The following GOLGA4 variants were observed in gnomAD, a reference collection of about 807,000 sequenced individuals.
GOLGA4 encodes the protein golgin subfamily A member 4.
A neutral mutation model predicts 265.9 loss-of-function variants in GOLGA4; 169 were observed. That is an observed-to-expected ratio of 0.64 (90% CI 0.56 to 0.72). The LOEUF (loss-of-function observed/expected upper bound fraction) is 0.72. Ranked by LOEUF, GOLGA4 falls within the 30% of genes least tolerant of loss-of-function variation. The probability of loss-of-function intolerance (pLI) is 0.00; values close to 1 mark genes in which losing one functional copy is unlikely to be tolerated. For synonymous variants in GOLGA4, 923 were observed against 855.8 expected (o/e 1.08, Z -1.37); for missense variants, 2,482 against 2,483.4 (o/e 1.00, Z 0.01).
chr3:37,363,755 A>G (rs891013171), intron 23 of GOLGA4, among the ~76,000 whole-genome samples: 1 of 152,214 alleles, frequency 6.6e-6, no homozygotes, highest in Non-Finnish European at 1.5e-5. Context: ...AGTTTTTTAC[A>G]GTTTTCCAAA....
At chr3:37,247,849 C>A (rs953301729) in intron 1 of GOLGA4, among the ~76,000 whole-genome samples, 18 of 152,292 alleles carry the variant, frequency 1.2e-4, no homozygotes, top group African/African-American at 3.1e-4. Flanking sequence ...ACCAGCAGCT[C>A]CTTGCCACGT....
intron 23 of GOLGA4, among the ~76,000 whole-genome samples, chr3:37,362,397 C>A (rs890007393): frequency 6.6e-6 from 1 of 150,902 alleles, no homozygotes; most frequent in Non-Finnish European, 1.5e-5. Context: ...CCACTACGCC[C>A]GGCTAATTTT....
chr3:37,248,102 G>A (rs1036049084), intron 1 of GOLGA4, among the ~76,000 whole-genome samples: 1 of 152,112 alleles, frequency 6.6e-6, no homozygotes, highest in African/African-American at 2.4e-5. Flanking sequence ...GTCATTTGGG[G>A]TCATCTTACA....
Position 37,326,930 on chromosome 3 carries a change from C to T in GOLGA4, c.5044C>T (p.Gln1682Ter). The T allele has an allele frequency of 1.2e-6, 2 of 1,613,662 alleles. No homozygotes were observed. The highest frequency in any genetic ancestry group is 8.5e-7 in the Non-Finnish European group (1 of 1,179,742). ...TTTGAGTGAGCTAAATACAAAATTG[C>T]AGGAAAGAGAAAGGGAAGTTCACAT... is the stretch of plus-strand genomic sequence containing the variant. ...SHLSELNTKL[Q>*]EREREVHILE... Residue 1682 changes from glutamine (Q) to a stop codon, truncating the protein, a stop_gained, in exon 14 of 24, where the codon CAG becomes TAG. Coordinates refer to ENST00000361924, the MANE Select transcript of GOLGA4 (RefSeq NM_002078.5). LOFTEE classifies it high-confidence loss of function.
Position 37,251,491 on chromosome 3 carries a change from T to C in GOLGA4, c.162+7T>C, listed in dbSNP as rs746458076. On this transcript the variant is annotated splice_region_variant and intron_variant, in intron 2 of 23. Transcript: ENST00000361924. The stretch of plus-strand genomic sequence containing the variant: ...AGGTACACCCAATAGAGAGGTAAGT[T>C]TGGAATTCCTTTTCTAGTATACCTC... The C allele has an allele frequency of 6.5e-7, 1 of 1,528,302 alleles. No individual in the cohort carries two copies. 94.7% of individuals were successfully genotyped at this position (1,528,302 alleles called of 1,614,324 possible). A position where few individuals can be genotyped will look rare whatever the true frequency, so the allele number is the denominator to read the frequency against.
At chr3:37,345,079 A>G (rs922777922) in intron 20 of GOLGA4, among the ~76,000 whole-genome samples, 2 of 152,014 alleles carry the variant, frequency 1.3e-5, no homozygotes, top group African/African-American at 2.4e-5. Flanking sequence ...GCATGGTGAC[A>G]TGTACCTGTA....
chr3:37,263,531 A>T (rs1005413642), intron 2 of GOLGA4, among the ~76,000 whole-genome samples: 9 of 152,128 alleles, frequency 5.9e-5, no homozygotes, highest in African/African-American at 2.2e-4. Flanking sequence ...CTCAGCATGT[A>T]TCCCCTCCCT....
At chr3:37,349,742 GT>G (rs764881036) in intron 21 of GOLGA4, among the ~76,000 whole-genome samples, 33 of 152,266 alleles carry the variant, frequency 2.2e-4, no homozygotes, top group Non-Finnish European at 3.1e-4. Context: ...CCAGGTTGCG[GT>G]TTTAGAATAA....
chr3:37,334,770 TGAG>T (rs2097003954), intron 16 of GOLGA4, among the ~76,000 whole-genome samples: 2 of 151,862 alleles, frequency 1.3e-5, no homozygotes, highest in South Asian at 2.1e-4. Flanking sequence ...CTTTTTGGGA[TGAG>T]GAGAGAGGGA....
chr3:37,275,537 G>T lies in GOLGA4; in HGVS notation c.163-6421G>T, dbSNP rs2096814332. 2.6e-5 allele frequency among the ~76,000 whole-genome samples: 4 copies of T among 152,148 alleles called. No individual in the cohort carries two copies. The South Asian group carries it at 8.3e-4, about 32-fold the overall frequency. On this transcript the variant is annotated intron_variant, in intron 2 of 23. Transcript: ENST00000361924. ...CAGTGATCTTTAAAGAATATCATTG[G>T]CCGCGGGCTTCGTTTGTGAGGAAGG... is the stretch of plus-strand genomic sequence containing the variant.
chr3:37,316,741 A>G (rs963049026), intron 11 of GOLGA4, among the ~76,000 whole-genome samples: 7 of 151,894 alleles, frequency 4.6e-5, no homozygotes, highest in Non-Finnish European at 8.8e-5. Flanking sequence ...GAAAAGTGGT[A>G]TTTTCCTTTT....
At chr3:37,273,548 C>T in intron 2 of GOLGA4, 5 of 1,502,910 alleles carry the variant, frequency 3.3e-6, no homozygotes, top group Non-Finnish European at 4.5e-6. Flanking sequence ...TGCATCTACT[C>T]ATGCCTCGAA....
At chr3:37,340,402 A>C (rs953273209) in intron 20 of GOLGA4, among the ~76,000 whole-genome samples, 2 of 152,186 alleles carry the variant, frequency 1.3e-5, no homozygotes. Flanking sequence ...TGGAATGGTT[A>C]AACTAAGTGC....
intron 2 of GOLGA4, chr3:37,275,814 T>C (rs2096815962): frequency 1.2e-6 from 2 of 1,613,652 alleles, no homozygotes; most frequent in South Asian, 2.2e-5. Context: ...CTGGAATTAC[T>C]GCAGTCCACA....
At chr3:37,249,513 A>C (rs1044616987) in intron 1 of GOLGA4, among the ~76,000 whole-genome samples, 1 of 152,020 alleles carries the variant, frequency 6.6e-6, no homozygotes, top group African/African-American at 2.4e-5. Flanking sequence ...AGTTGAAGCA[A>C]TTCTCCTGCC....
At chr3:37,318,244 C>T (rs766958865) in intron 11 of GOLGA4, among the ~76,000 whole-genome samples, 2 of 152,056 alleles carry the variant, frequency 1.3e-5, no homozygotes, top group South Asian at 2.1e-4. Context: ...ACGGGGTCTG[C>T]CTGTTTTGTC....
chr3:37,270,653 A>C (rs2096796150), intron 2 of GOLGA4, among the ~76,000 whole-genome samples: 1 of 152,060 alleles, frequency 6.6e-6, no homozygotes, highest in African/African-American at 2.4e-5. Context: ...TAATTTGTTT[A>C]TTAATTTTCA....
chr3:37,352,262 C>T (rs574547057), intron 21 of GOLGA4, among the ~76,000 whole-genome samples: 1 of 152,082 alleles, frequency 6.6e-6, no homozygotes, highest in African/African-American at 2.4e-5. Context: ...TGAGGAAGGC[C>T]TCAGGAAACT....
At chr3:37,358,076 G>T (rs879742945) in intron 22 of GOLGA4, among the ~76,000 whole-genome samples, 1 of 152,080 alleles carries the variant, frequency 6.6e-6, no homozygotes, top group Non-Finnish European at 1.5e-5. Flanking sequence ...ACATTTTGCC[G>T]AGCTGCCCCC....
Sources: allele counts gnomAD v4.1 joint callset (sites outside exome capture counted in the v4.1 genomes callset), GRCh38; gene constraint gnomAD v4.1.1; transcripts MANE v1.5; gene names NCBI Gene and HGNC (gene_info 2026-07-23, HGNC 2026-07-21).